Variants in DPP6 observed in about 807,000 individuals in gnomAD.
The protein encoded by DPP6 is dipeptidyl peptidase like 6, also known as A-type potassium channel modulatory protein DPP6.
Under a neutral mutation model 122.6 loss-of-function variants are expected in DPP6, and 69 were observed. The ratio of observed to expected loss-of-function variants is 0.56; its 90% CI spans 0.46 to 0.69. The LOEUF (loss-of-function observed/expected upper bound fraction) is 0.69. Ranked by LOEUF, DPP6 falls within the 30% of genes least tolerant of loss-of-function variation. The probability of loss-of-function intolerance (pLI) is 0.00; values close to 1 mark genes in which losing one functional copy is unlikely to be tolerated. For missense variants in DPP6, 928 were observed against 1,116.9 expected (o/e 0.83, Z 2.41); for synonymous variants, 418 against 433.1 (o/e 0.97, Z 0.43).
intron 4 of DPP6, among the ~76,000 whole-genome samples, chr7:154,555,376 AAACACCAC>A (rs2130420196): frequency 6.6e-6 from 1 of 152,218 alleles, no homozygotes; most frequent in South Asian, 2.1e-4. Flanking sequence ...ACAAAAAACC[AAACACCAC>A]ATGTTCTCAC....
intron 1 of DPP6, among the ~76,000 whole-genome samples, chr7:154,390,753 G>A (rs191179130): frequency 1.3e-5 from 2 of 152,186 alleles, no homozygotes; most frequent in Non-Finnish European, 2.9e-5. Flanking sequence ...TGTGTTTTCC[G>A]TTCAGAGAAA....
intron 7 of DPP6, among the ~76,000 whole-genome samples, chr7:154,708,387 G>A (rs1271718637): frequency 6.6e-6 from 1 of 152,188 alleles, no homozygotes; most frequent in East Asian, 1.9e-4. Context: ...CTCCCGTCAG[G>A]TGAGCACACT....
chr7:153,892,966 A>G (rs1799268640), intron 1 of DPP6, among the ~76,000 whole-genome samples: 2 of 152,216 alleles, frequency 1.3e-5, no homozygotes, highest in Admixed American at 1.3e-4. Context: ...TGCAGGAAAC[A>G]GTAGCTAGGC....
At chr7:153,856,661 T>C in the DPP6 span, among the ~76,000 whole-genome samples, 1 of 152,308 alleles carries the variant, frequency 6.6e-6, no homozygotes, top group Non-Finnish European at 1.5e-5. Context: ...CTCTGAGCCT[T>C]TCTATAAACA....
chr7:154,202,348 A>G (rs1799217961), intron 1 of DPP6, among the ~76,000 whole-genome samples: 2 of 152,208 alleles, frequency 1.3e-5, no homozygotes, highest in Admixed American at 6.5e-5. Flanking sequence ...ACAGAGAAGA[A>G]AACAGACAAC....
chr7:154,643,288 A>G (rs1237320270), intron 6 of DPP6, among the ~76,000 whole-genome samples: 1 of 152,128 alleles, frequency 6.6e-6, no homozygotes, highest in Non-Finnish European at 1.5e-5. Flanking sequence ...ACTTTCCAGC[A>G]TTCTTGTTTT....
intron 2 of DPP6, among the ~76,000 whole-genome samples, chr7:154,468,899 A>T (rs1009716928): frequency 6.6e-6 from 1 of 152,224 alleles, no homozygotes; most frequent in Non-Finnish European, 1.5e-5. Context: ...TTTTATAGAC[A>T]TAAGTCTGGA....
chr7:154,285,411 C>T (rs905316232), intron 1 of DPP6, among the ~76,000 whole-genome samples: 1 of 152,088 alleles, frequency 6.6e-6, no homozygotes, highest in Non-Finnish European at 1.5e-5. Context: ...ATAACAGGCA[C>T]CCGCCACCAC....
chr7:154,088,341 A>G (rs531765689), intron 1 of DPP6, among the ~76,000 whole-genome samples: 3 of 146,006 alleles, frequency 2.1e-5, no homozygotes, highest in African/African-American at 5.3e-5. Context: ...GTTTTCCCTG[A>G]GATGTTCTGT....
intron 1 of DPP6, among the ~76,000 whole-genome samples, chr7:153,888,078 TG>T (rs1584984610): frequency 1.3e-5 from 2 of 152,136 alleles, no homozygotes; most frequent in East Asian, 3.9e-4. Context: ...AGGGCTCTTC[TG>T]GGGAAACGCG....
At chr7:154,776,300 T>G (rs1406849483) in intron 10 of DPP6, among the ~76,000 whole-genome samples, 3 of 151,790 alleles carry the variant, frequency 2.0e-5, no homozygotes, top group Non-Finnish European at 4.4e-5. Context: ...CATGCACCCT[T>G]TCTATCCCCC....
At chr7:154,876,308 C>T in intron 20 of DPP6, 4 of 924,104 alleles carry the variant, frequency 4.3e-6, no homozygotes, top group Non-Finnish European at 5.9e-6. Context: ...ACTAGTTTTC[C>T]CACTGCAGGG....
At chr7:154,371,848 C>T (rs1812703547) in intron 1 of DPP6, among the ~76,000 whole-genome samples, 2 of 152,174 alleles carry the variant, frequency 1.3e-5, no homozygotes, top group Admixed American at 1.3e-4. Context: ...TGACCTTTCC[C>T]TGTAACTCTC....
Position 154,490,342 on chromosome 7 carries a change from A to C in DPP6, c.457+15305A>C, listed in dbSNP as rs79732915. 2.8e-3 allele frequency among the ~76,000 whole-genome samples: 428 copies of C among 152,326 alleles called. 8 individuals carry two copies. In the East Asian group the frequency reaches 0.061, roughly 22 times the overall value. ...CCTCGTGCTCTCTCAAGATCAGCCC[A>C]GCTCATTAGTGCAGCCCGTGGCTAC... On this transcript the variant is annotated intron_variant, in intron 3 of 25. Coordinates refer to ENST00000377770, the MANE Select transcript of DPP6 (RefSeq NM_130797.4).
intron 3 of DPP6, among the ~76,000 whole-genome samples, chr7:154,526,669 A>T (rs1197846295): frequency 6.6e-6 from 1 of 152,220 alleles, no homozygotes; most frequent in Non-Finnish European, 1.5e-5. Context: ...CATTTGACTC[A>T]TGTTTCCTGA....
At chr7:154,059,081 CTCTGGCTCTTAGGAA>C (rs1801270159) in intron 1 of DPP6, 1 of 147,344 alleles carries the variant, frequency 6.8e-6, no homozygotes, top group Non-Finnish European at 1.5e-5. Context: ...CCTCTTCCCC[CTCTGGCTCTTAGGAA>C]CCCCATCGCA....
At chr7:154,295,527 C>G (rs1429674521) in intron 1 of DPP6, among the ~76,000 whole-genome samples, 1 of 152,108 alleles carries the variant, frequency 6.6e-6, no homozygotes, top group African/African-American at 2.4e-5. Context: ...CTTTCTCTGC[C>G]CTCACTTACA....
chr7:154,706,283 G>A (rs933949786), intron 7 of DPP6, among the ~76,000 whole-genome samples: 30 of 152,272 alleles, frequency 2.0e-4, no homozygotes, highest in African/African-American at 6.3e-4. Context: ...CTCGGTGAAC[G>A]TGGCTCCCTC....
chr7:154,160,702 G>A (rs915852266), intron 1 of DPP6, among the ~76,000 whole-genome samples: 15 of 152,252 alleles, frequency 9.9e-5, no homozygotes, highest in Admixed American at 6.5e-4. Context: ...TGAAGCTTTG[G>A]TGTTTCTAAT....
Sources: gnomAD v4.1 joint callset for allele counts (sites outside exome capture counted in the v4.1 genomes callset) on GRCh38, gnomAD v4.1.1 for gene constraint, MANE v1.5 for transcripts, NCBI Gene and HGNC (gene_info 2026-07-23, HGNC 2026-07-21) for gene names.